The following NATD1 variants were observed in gnomAD, a reference collection of about 807,000 sequenced individuals.
NATD1 encodes protein NATD1.
A neutral mutation model predicts 12.0 loss-of-function variants in NATD1; 9 were observed. That is an observed-to-expected ratio of 0.75 (90% confidence interval 0.45 to 1.30). NATD1 has a LOEUF of 1.30. Among genes scored for constraint, NATD1 ranks in the 50% most tolerant of loss-of-function variants. The pLI is 0.00. For synonymous variants in NATD1, 71 were observed against 65.9 expected, an observed-to-expected ratio of 1.08 and a Z score of -0.37; for missense variants, 148 against 148.5, an observed-to-expected ratio of 1.00 and a Z score of 0.02.
chr17:21,251,802 C>T (rs1023944977), intron 1 of NATD1, among the ~76,000 whole-genome samples: 8 of 152,232 alleles, frequency 5.3e-5, no homozygotes, highest in Admixed American at 5.2e-4. Flanking sequence ...GCCATCCCAG[C>T]TCTGCCCAAC....
chr17:21,244,249 C>G lies in NATD1; in HGVS notation c.107-25G>C. The G allele has an allele frequency of 6.3e-7, 1 of 1,590,638 alleles. No individual in the cohort carries two copies. Among genetic ancestry groups the G allele is most frequent in the Non-Finnish European group, 8.6e-7 (1 of 1,164,390 alleles). On this transcript the variant is annotated intron_variant, in intron 1 of 2. Transcript: ENST00000611551. The surrounding 1 kb of genome is among the most constrained non-coding windows in gnomAD (Gnocchi z 5.2). ...CCTGGGGGTTGTGGAGACAGGTAAG[C>G]CTATGCTGACTCCCATCCCAGCGGA...
At chr17:21,252,297 G>C (rs1445661989) in intron 1 of NATD1, among the ~76,000 whole-genome samples, 3 of 152,072 alleles carry the variant, frequency 2.0e-5, no homozygotes, top group Non-Finnish European at 2.9e-5. Context: ...GCGACAGAGT[G>C]AGACTCCATC....
intron 1 of NATD1, among the ~76,000 whole-genome samples, chr17:21,246,595 G>A (rs556294360): frequency 1.2e-3 from 177 of 152,324 alleles, no homozygotes; most frequent in Non-Finnish European, 2.1e-3. Flanking sequence ...GCTGAGGCGG[G>A]AGAATCACTT....
Position 21,244,132 on chromosome 17 carries a change from G to A in NATD1, c.199C>T (p.Arg67Cys), listed in dbSNP as rs372077272. Residue 67 changes from arginine to cysteine, a missense_variant, in exon 2 of 3, where the codon CGT becomes TGT. Arg to Cys is a radical substitution (Grantham distance 180, BLOSUM62 -3). Coordinates refer to ENST00000611551, the MANE Select transcript of NATD1 (RefSeq NM_152914.3). This position sits in a 1 kb window ranked among gnomAD's most constrained non-coding sequence, Gnocchi z 5.2. Reference sequence around the variant, plus strand: ...TTGGCAAGGTGCTTGGCGATGCCACGCCCACGGTAGGCATCTGGGACCTCG... The same window carrying A: ...TTGGCAAGGTGCTTGGCGATGCCACACCCACGGTAGGCATCTGGGACCTCG... ...HTEVPDAYRG[R>C]GIAKHLAKAA... The A allele has an allele frequency of 9.3e-5, 150 of 1,612,484 alleles. No homozygotes were observed. Among genetic ancestry groups the A allele is most frequent in the Non-Finnish European group, 1.1e-4 (132 of 1,179,636 alleles).
intron 1 of NATD1, among the ~76,000 whole-genome samples, chr17:21,246,920 A>T (rs1295110426): frequency 1.3e-5 from 2 of 152,200 alleles, no homozygotes; most frequent in Non-Finnish European, 2.9e-5. Flanking sequence ...GGCTGGGCCC[A>T]AACAAGCCGG....
chr17:21,247,013 T>C (rs1246490142), intron 1 of NATD1, among the ~76,000 whole-genome samples: 1 of 152,108 alleles, frequency 6.6e-6, no homozygotes, highest in African/African-American at 2.4e-5. Flanking sequence ...ACCTCAGCTT[T>C]TGCTCCAGCA....
Position 21,239,617 on chromosome 17 carries a change from C to T in NATD1, c.*3696G>A, listed in dbSNP as rs1211987490. On this transcript the variant is annotated 3_prime_UTR_variant, in exon 3 of 3. Transcript: ENST00000611551. Reference sequence around the variant, plus strand: ...CCAGCCTGGCCAACATGGTGAAACCCCGTCTCTACTAAAAATACAAAAATT... The same window carrying T: ...CCAGCCTGGCCAACATGGTGAAACCTCGTCTCTACTAAAAATACAAAAATT... The T allele has an allele frequency of 2.0e-5, 3 of 152,162 alleles. No individual in the cohort carries two copies. The highest frequency in any genetic ancestry group is 7.2e-5 in the African/African-American group (3 of 41,428). 9.4% of individuals were successfully genotyped at this position (152,162 alleles called of 1,614,324 possible).
intron 1 of NATD1, 56 bp downstream of exon 1, chr17:21,253,103 C>A: frequency 1.1e-6 from 1 of 928,212 alleles, no homozygotes; most frequent in Non-Finnish European, 1.3e-6. Context: ...GGGGCGGCCC[C>A]GGCGGGCCCC....
At position 21,239,832 on chromosome 17, in the gene NATD1, T is replaced by G. The variant is rs1319008750; in HGVS notation, c.*3481A>C. 1 of 152,266 alleles carries G rather than the reference T, an allele frequency of 6.6e-6. No individual in the cohort carries two copies. The highest frequency in any genetic ancestry group is 1.5e-5 in the Non-Finnish European group (1 of 68,072). The allele number at this position is 152,266 out of a possible 1,614,324, so 9.4% of individuals were successfully genotyped here. ...AGGCCTGGCAATTTATCTTTCATTC[T>G]GAGTAGCCATGTAACCCCTAGTGGT... On this transcript the variant is annotated 3_prime_UTR_variant, in exon 3 of 3. Coordinates refer to ENST00000611551, the MANE Select transcript of NATD1 (RefSeq NM_152914.3).
intron 1 of NATD1, among the ~76,000 whole-genome samples, chr17:21,252,545 CAGAGCCACTGAAGTCTTGATAGTG>C (rs1975386707): frequency 2.6e-5 from 4 of 152,284 alleles, no homozygotes; most frequent in Non-Finnish European, 4.4e-5. Flanking sequence ...TGGCCAGTCC[CAGAGCCACTGAAGTCTTGATAGTG>C]ATAGCCATCC....
intron 1 of NATD1, among the ~76,000 whole-genome samples, chr17:21,251,791 C>T (rs1021424113): frequency 3.3e-5 from 5 of 152,310 alleles, no homozygotes; most frequent in Admixed American, 6.5e-5. Context: ...CCAGTCAGGA[C>T]GCCATCCCAG....
chr17:21,250,286 T>C (rs1438342584), intron 1 of NATD1, among the ~76,000 whole-genome samples: 1 of 152,206 alleles, frequency 6.6e-6, no homozygotes, highest in Non-Finnish European at 1.5e-5. Flanking sequence ...TGGAACACTC[T>C]TCCCTGTTGC....
Position 21,239,489 on chromosome 17 carries a change from T to A in NATD1, c.*3824A>T, listed in dbSNP as rs1171773055. The A allele has an allele frequency of 6.6e-6, 1 of 152,068 alleles. No individual in the cohort carries two copies. The highest frequency in any genetic ancestry group is 1.5e-5 in the Non-Finnish European group (1 of 68,026). The allele number at this position is 152,068 out of a possible 1,614,324, so 9.4% of individuals were successfully genotyped here. On this transcript the variant is annotated 3_prime_UTR_variant, in exon 3 of 3. Transcript: ENST00000611551. ...TCCCGGGACTGCTGTGAAAACGAAGTGGAGTAAGATTGCAACGGGGCCTGG... is the reference window on the plus strand; with the variant it reads ...TCCCGGGACTGCTGTGAAAACGAAGAGGAGTAAGATTGCAACGGGGCCTGG...
At chr17:21,247,933 G>A (rs1371145528) in intron 1 of NATD1, among the ~76,000 whole-genome samples, 1 of 152,170 alleles carries the variant, frequency 6.6e-6, no homozygotes, top group African/African-American at 2.4e-5. Flanking sequence ...GGCAGGTGAC[G>A]TTTGGGCTCA....
At chr17:21,249,670 C>T (rs994269743) in intron 1 of NATD1, among the ~76,000 whole-genome samples, 54 of 152,152 alleles carry the variant, frequency 3.5e-4, no homozygotes, top group African/African-American at 1.3e-3. Flanking sequence ...TCAAGTGTTC[C>T]TTTCCTTGCA....
In NATD1 at chr17:21,247,819, C is replaced by T. The variant is rs544299516; in HGVS notation, c.107-3595G>A. 6.9e-4 allele frequency among the ~76,000 whole-genome samples: 105 copies of T among 152,344 alleles called. 4 individuals carry two copies. The South Asian group carries it at 0.02, about 29-fold the overall frequency. On this transcript the variant is annotated intron_variant, in intron 1 of 2. Transcript: ENST00000611551. ...ATGCCTGTGTCACTGTGAGCCGAGA[C>T]AGCAGGATCCACAGTGCCCAGAAGT...
intron 1 of NATD1, among the ~76,000 whole-genome samples, chr17:21,252,202 G>A (rs1975382528): frequency 6.6e-6 from 1 of 152,188 alleles, no homozygotes; most frequent in Non-Finnish European, 1.5e-5. Context: ...CTACTCCTGA[G>A]GCTGAGGCAG....
chr17:21,243,822 C>A (rs1975301524), intron 2 of NATD1, among the ~76,000 whole-genome samples: 1 of 152,296 alleles, frequency 6.6e-6, no homozygotes, highest in South Asian at 2.1e-4. Context: ...GCTCTCCAGG[C>A]AGCCTGGGGT....
intron 1 of NATD1, among the ~76,000 whole-genome samples, chr17:21,248,044 G>A (rs746214088): frequency 5.3e-5 from 8 of 152,072 alleles, no homozygotes; most frequent in Non-Finnish European, 1.0e-4. Flanking sequence ...CATCTGGGGT[G>A]GCCACGGTGG....
Sources: allele counts gnomAD v4.1 joint callset (sites outside exome capture counted in the v4.1 genomes callset), GRCh38; gene constraint gnomAD v4.1.1; non-coding constraint Gnocchi (gnomAD v3.1); transcripts MANE v1.5; gene names NCBI Gene and HGNC (gene_info 2026-07-23, HGNC 2026-07-21).